The following PIGV variants were observed in gnomAD, a reference collection of about 807,000 sequenced individuals.
PIGV encodes the protein GPI alpha-1,6-mannosyltransferase 2.
Under a neutral mutation model 39.2 loss-of-function variants are expected in PIGV, and 27 were observed. That is an observed-to-expected ratio of 0.69 (90% CI 0.51 to 0.95). The LOEUF is 0.95. Among genes scored for constraint, PIGV ranks in the 40% least tolerant of loss-of-function variants. The probability of loss-of-function intolerance (pLI) is 0.00; values close to 1 mark genes in which losing one functional copy is unlikely to be tolerated. For missense variants in PIGV, 523 were observed against 586.4 expected, an observed-to-expected ratio of 0.89 and a Z score of 1.12; for synonymous variants, 232 against 241.7, an observed-to-expected ratio of 0.96 and a Z score of 0.37.
intron 3 of PIGV, 49 bp downstream of exon 3, chr1:26,795,283 C>T: frequency 1.9e-6 from 3 of 1,608,504 alleles, no homozygotes; most frequent in Non-Finnish European, 2.5e-6. Context: ...AGGCAAAACC[C>T]CTTGGCCAAG....
At chr1:26,790,260 A>G (rs2081293011) in intron 1 of PIGV, among the ~76,000 whole-genome samples, 1 of 152,122 alleles carries the variant, frequency 6.6e-6, no homozygotes, top group East Asian at 1.9e-4. Flanking sequence ...GACCTAGTTT[A>G]TTATTCTGGG....
upstream of PIGV, chr1:26,787,876 C>G (rs1267393632): frequency 1.3e-5 from 2 of 152,292 alleles, no homozygotes; most frequent in Non-Finnish European, 1.5e-5. Flanking sequence ...TCAACATGGC[C>G]GCCGCGCAGG....
chr1:26,795,688 C>A (rs1308723557), intron 3 of PIGV, among the ~76,000 whole-genome samples: 1 of 110,294 alleles, frequency 9.1e-6, no homozygotes, highest in African/African-American at 3.6e-5. Context: ...CCAGCCTGGG[C>A]GACAGAGTGA....
At position 26,793,876 on chromosome 1, in the gene PIGV, C is replaced by T. The variant is rs189292315; in HGVS notation, c.79-237C>T. 3.9e-5 allele frequency among the ~76,000 whole-genome samples: 6 copies of T among 152,002 alleles called. No homozygotes were observed. The South Asian group carries it at 8.3e-4, about 21-fold the overall frequency. On this transcript the variant is annotated intron_variant, in intron 2 of 3. Transcript: ENST00000674202. ...CTTCCACCTCAGCCTCCCAAAGTGC[C>T]GGGATAACAGGCGTGAGCCACTGTG...
In PIGV at chr1:26,798,663, C is replaced by T. The variant is rs180901969; in HGVS notation, c.*819C>T. ...CGGAGGTTTCAGTGAGCTGAGTTTG[C>T]GCCACTGCGCTCCAGCCTGGGCAAC... On this transcript the variant is annotated 3_prime_UTR_variant, in exon 4 of 4. Coordinates refer to ENST00000674202, the MANE Select transcript of PIGV (RefSeq NM_017837.4). 2.2e-3 allele frequency among the ~76,000 whole-genome samples: 329 copies of T among 152,330 alleles called. 2 individuals are homozygous for T. Among genetic ancestry groups the T allele is most frequent in the Non-Finnish European group, 3.7e-3 (249 of 68,038 alleles).
intron 3 of PIGV, among the ~76,000 whole-genome samples, chr1:26,796,457 T>A (rs932295896): frequency 6.6e-6 from 1 of 152,148 alleles, no homozygotes; most frequent in Non-Finnish European, 1.5e-5. Flanking sequence ...CACGAGCCAC[T>A]GCGCCCAGCA....
At chr1:26,787,319 G>C (rs915232426), upstream of PIGV, among the ~76,000 whole-genome samples, 2 of 152,050 alleles carry the variant, frequency 1.3e-5, no homozygotes, top group South Asian at 4.1e-4. Flanking sequence ...AACTGCTTGG[G>C]TGAGGGAGGT....
Position 26,799,250 on chromosome 1 carries a change from G to T in PIGV, c.*1406G>T, listed in dbSNP as rs370016888. ...CTGCTTACTTGATCAGTAGACATGG[G>T]TCAGAGGCGCCAACACGGCGGCAGG... On this transcript the variant is annotated 3_prime_UTR_variant, in exon 4 of 4. Coordinates refer to ENST00000674202, the MANE Select transcript of PIGV (RefSeq NM_017837.4). 1.1e-3 allele frequency among the ~76,000 whole-genome samples: 173 copies of T among 152,282 alleles called. No homozygotes were observed. The highest frequency in any genetic ancestry group is 2.5e-3 in the South Asian group (12 of 4,822).
chr1:26,790,820 G>C lies in PIGV; in HGVS notation c.5G>C (p.Trp2Ser), dbSNP rs768302053. ...TGAATTCCTGGTGGTGAAAGGATGT[G>C]GCCCCAGGACCCATCCCGGAAGGAG... is the stretch of plus-strand genomic sequence containing the variant. M[W>S]PQDPSRKEVL... Residue 2 changes from tryptophan to serine, a missense_variant, in exon 2 of 4, where the codon TGG (tryptophan) becomes TCG (serine). Coordinates refer to ENST00000674202, the MANE Select transcript of PIGV (RefSeq NM_017837.4). 6 of 1,613,862 alleles carry C rather than the reference G, an allele frequency of 3.7e-6. No homozygotes were observed. The Admixed American group carries it at 1.0e-4, about 27-fold the overall frequency.
rs190944454 is a variant in PIGV, at chr1:26,795,622, A to G, written c.1200+388A>G. ...GCTACTCAGAAGGCTGAGGCAGAAAATTGCTTGAACCCGGGAGGTGGAGGT... is the reference window on the plus strand; with the variant it reads ...GCTACTCAGAAGGCTGAGGCAGAAAGTTGCTTGAACCCGGGAGGTGGAGGT... On this transcript the variant is annotated intron_variant, in intron 3 of 3. Transcript: ENST00000674202. Among the ~76,000 whole-genome samples the G allele has an allele frequency of 4.4e-4, 65 of 147,512 alleles. No individual in the cohort carries two copies. In the East Asian group the frequency reaches 0.013, roughly 29 times the overall value.
chr1:26,792,150 CA>C (rs944105626), intron 2 of PIGV, among the ~76,000 whole-genome samples: 3 of 151,730 alleles, frequency 2.0e-5, no homozygotes, highest in African/African-American at 7.3e-5. Context: ...TCTAATAGGG[CA>C]AAAAGACTTT....
rs568648170 is a variant in PIGV at position 26,799,567 on chromosome 1, C to T, written c.*1723C>T. ...AAGAATTGGAATTTTGACACACTCC[C>T]TCTGACCATGACAGAAAGCTCAACT... On this transcript the variant is annotated 3_prime_UTR_variant, in exon 4 of 4. Coordinates refer to ENST00000674202, the MANE Select transcript of PIGV (RefSeq NM_017837.4). 2.6e-5 allele frequency among the ~76,000 whole-genome samples: 4 copies of T among 152,324 alleles called. No individual in the cohort carries two copies. The highest frequency in any genetic ancestry group is 7.2e-5 in the African/African-American group (3 of 41,572).
chr1:26,798,123 C>T lies in PIGV; in HGVS notation c.*279C>T, dbSNP rs1262993986. On this transcript the variant is annotated 3_prime_UTR_variant, in exon 4 of 4. Coordinates refer to ENST00000674202, the MANE Select transcript of PIGV (RefSeq NM_017837.4). ...CACCTGGATCTGTCTAGTCAATCAA[C>T]ATAGCAGAGACAGTCTTAAACCTAC... 2 of 464,680 alleles carry T rather than the reference C, an allele frequency of 4.3e-6. No homozygotes were observed. The highest frequency in any genetic ancestry group is 2.0e-5 in the African/African-American group (1 of 50,794). The allele number at this position is 464,680 out of a possible 1,614,324, so 28.8% of individuals were successfully genotyped here.
rs2081422106 is a variant in PIGV, at chr1:26,799,023, C to T, written c.*1179C>T. Among the ~76,000 whole-genome samples the T allele has an allele frequency of 6.6e-6, 1 of 152,190 alleles. No individual in the cohort carries two copies. Among genetic ancestry groups the T allele is most frequent in the African/African-American group, 2.4e-5 (1 of 41,434 alleles). On this transcript the variant is annotated 3_prime_UTR_variant, in exon 4 of 4. Coordinates refer to ENST00000674202, the MANE Select transcript of PIGV (RefSeq NM_017837.4). ...TAAGAACTGCCTTAAACAACAGAATCACCCCAGTCTAAATGCTAATGTAGA... is the reference window on the plus strand; with the variant it reads ...TAAGAACTGCCTTAAACAACAGAATTACCCCAGTCTAAATGCTAATGTAGA...
intron 1 of PIGV, 55 bp from the exon 2 acceptor site, chr1:26,790,704 C>T: frequency 1.2e-6 from 1 of 830,750 alleles, no homozygotes; most frequent in Non-Finnish European, 2.1e-6. Flanking sequence ...GTGACGAATG[C>T]TTTCAAGAAT....
intron 3 of PIGV, 83 bp from the exon 4 acceptor site, chr1:26,797,480 A>C: frequency 9.5e-7 from 1 of 1,049,614 alleles, no homozygotes; most frequent in East Asian, 2.4e-5. Flanking sequence ...TTCACCCAGC[A>C]GTAGAGAAGT....
intron 3 of PIGV, 28 bp downstream of exon 3, chr1:26,795,262 G>T: frequency 6.2e-7 from 1 of 1,612,388 alleles, no homozygotes; most frequent in South Asian, 1.1e-5. Flanking sequence ...CTGGGATAAG[G>T]ATGTGAATAC....
chr1:26,790,831 C>A lies in PIGV; in HGVS notation c.16C>A (p.Pro6Thr). The change falls in exon 2 of 4, where the codon CCA (proline) becomes ACA (threonine). Residue 6 changes from proline to threonine, a missense_variant. By Grantham distance (38) the Pro-to-Thr change is conservative. Transcript: ENST00000674202. The stretch of plus-strand genomic sequence containing the variant: ...TGGTGAAAGGATGTGGCCCCAGGAC[C>A]CATCCCGGAAGGAGGTGCTGAGGTT... MWPQD[P>T]SRKEVLRFAV... is the part of the protein sequence containing the mutation. 6.2e-7 allele frequency: 1 copy of A among 1,613,868 alleles called. No individual in the cohort carries two copies. Among genetic ancestry groups the A allele is most frequent in the Non-Finnish European group, 8.5e-7 (1 of 1,179,784 alleles).
rs907676343 is a variant in PIGV at position 26,798,224 on chromosome 1, G to A, written c.*380G>A. 1.9e-5 allele frequency: 6 copies of A among 323,134 alleles called. No individual in the cohort carries two copies. Among genetic ancestry groups the A allele is most frequent in the African/African-American group, 1.1e-4 (5 of 46,338 alleles). 20.0% of individuals were successfully genotyped at this position (323,134 alleles called of 1,614,324 possible). A position where few individuals can be genotyped will look rare whatever the true frequency, so the allele number is the denominator to read the frequency against. ...ATCAAAGGCATTAGCTGACAGGCTG[G>A]TAACAGTCCACACAAGATGGTATAG... is the stretch of plus-strand genomic sequence containing the variant. On this transcript the variant is annotated 3_prime_UTR_variant, in exon 4 of 4. Coordinates refer to ENST00000674202, the MANE Select transcript of PIGV (RefSeq NM_017837.4).
Sources: gnomAD v4.1 joint callset for allele counts (sites outside exome capture counted in the v4.1 genomes callset) on GRCh38, gnomAD v4.1.1 for gene constraint, MANE v1.5 for transcripts, NCBI Gene and HGNC (gene_info 2026-07-23, HGNC 2026-07-21) for gene names.